The following FNDC3A variants were observed in gnomAD, a reference collection of about 807,000 sequenced individuals.
The protein encoded by FNDC3A is fibronectin type-III domain-containing protein 3A.
In FNDC3A, 32 loss-of-function variants were observed where a neutral mutation model predicts 148.9. That is an observed-to-expected ratio of 0.21 (90% CI 0.16 to 0.29). FNDC3A has a LOEUF of 0.29. FNDC3A is among the 10% of genes least tolerant of loss of function. The pLI, the probability that FNDC3A is intolerant of heterozygous loss-of-function variation, is 1.00. For synonymous variants in FNDC3A, 472 were observed against 473.6 expected (o/e 1.00, Z 0.04); for missense variants, 1,191 against 1,452.8 (o/e 0.82, Z 2.93).
At chr13:48,976,535 C>G (rs1253099778) in intron 1 of FNDC3A, 1 of 152,518 alleles carries the variant, frequency 6.6e-6, no homozygotes, top group Non-Finnish European at 1.5e-5. Context: ...GCCCTTCTCT[C>G]TGTCCCCCGC....
chr13:49,004,123 A>G (rs1952177241), intron 1 of FNDC3A, among the ~76,000 whole-genome samples: 1 of 152,104 alleles, frequency 6.6e-6, no homozygotes, highest in Non-Finnish European at 1.5e-5. Flanking sequence ...AAAATTAAAA[A>G]TAAGTGTATA....
At chr13:49,093,791 ATACTC>A (rs1879343545) in intron 3 of FNDC3A, among the ~76,000 whole-genome samples, 1 of 152,176 alleles carries the variant, frequency 6.6e-6, no homozygotes, top group African/African-American at 2.4e-5. Context: ...ATTATACCAA[ATACTC>A]TACTCATAAA....
intron 2 of FNDC3A, among the ~76,000 whole-genome samples, chr13:49,066,980 G>A (rs529569302): frequency 1.3e-5 from 2 of 152,028 alleles, no homozygotes; most frequent in African/African-American, 2.4e-5. Context: ...TAATTACCTC[G>A]GAGAAGACTT....
intron 1 of FNDC3A, among the ~76,000 whole-genome samples, chr13:48,990,395 A>G (rs1403892641): frequency 6.6e-6 from 1 of 151,956 alleles, no homozygotes; most frequent in Non-Finnish European, 1.5e-5. Flanking sequence ...GGGCAAATAT[A>G]TAGGATTTAA....
At chr13:49,024,585 CAGTA>C (rs1317526962) in intron 2 of FNDC3A, among the ~76,000 whole-genome samples, 21 of 152,004 alleles carry the variant, frequency 1.4e-4, no homozygotes, top group African/African-American at 3.6e-4. Context: ...ATACGTAAAT[CAGTA>C]AGTGTGATAC....
chr13:49,083,365 C>G (rs1392067475), intron 3 of FNDC3A, among the ~76,000 whole-genome samples: 2 of 152,168 alleles, frequency 1.3e-5, no homozygotes, highest in Non-Finnish European at 2.9e-5. Context: ...TTTAGCGGAA[C>G]TAGAACTAAA....
At chr13:49,162,435 C>T (rs901345897) in intron 8 of FNDC3A, among the ~76,000 whole-genome samples, 2 of 152,132 alleles carry the variant, frequency 1.3e-5, no homozygotes, top group Admixed American at 6.5e-5. Context: ...ACGTAGTTCT[C>T]GTGCCATGGT....
chr13:49,140,069 G>T (rs1483445149), intron 7 of FNDC3A, among the ~76,000 whole-genome samples: 8 of 152,152 alleles, frequency 5.3e-5, no homozygotes. Context: ...AGGTGCAGTG[G>T]CTCACACTTT....
At chr13:49,082,019 T>G (rs527606312) in intron 3 of FNDC3A, among the ~76,000 whole-genome samples, 205 of 151,886 alleles carry the variant, frequency 1.3e-3, no homozygotes, top group African/African-American at 4.8e-3. Context: ...AATGTTTAAG[T>G]GTCAGAAAGT....
chr13:49,112,891 G>A (rs1166660911), intron 3 of FNDC3A, among the ~76,000 whole-genome samples: 1 of 152,142 alleles, frequency 6.6e-6, no homozygotes, highest in Non-Finnish European at 1.5e-5. Flanking sequence ...GTATTTGGTG[G>A]TGGTCTTGTT....
At chr13:49,077,533 G>A (rs992367844) in intron 3 of FNDC3A, among the ~76,000 whole-genome samples, 3 of 152,190 alleles carry the variant, frequency 2.0e-5, no homozygotes, top group South Asian at 4.1e-4. Context: ...CTTTTAGCCT[G>A]ACATTTAAAC....
At chr13:49,190,059 TG>T (rs1230057900) in intron 17 of FNDC3A, among the ~76,000 whole-genome samples, 1 of 152,080 alleles carries the variant, frequency 6.6e-6, no homozygotes, top group Non-Finnish European at 1.5e-5. Flanking sequence ...GCTACTTTTT[TG>T]TATTTTTAGT....
intron 2 of FNDC3A, among the ~76,000 whole-genome samples, chr13:49,057,392 G>A (rs1437777797): frequency 2.6e-5 from 4 of 152,032 alleles, no homozygotes; most frequent in Admixed American, 6.5e-5. Context: ...ATTTCTTAAC[G>A]GGTTTTGAAA....
At chr13:49,111,002 A>G (rs1880531610) in intron 3 of FNDC3A, among the ~76,000 whole-genome samples, 5 of 152,202 alleles carry the variant, frequency 3.3e-5, no homozygotes, top group Admixed American at 3.3e-4. Flanking sequence ...GGGGTAAATC[A>G]TGCTCAAATC....
At position 49,136,476 on chromosome 13, in the gene FNDC3A, C is replaced by T. The variant is rs377320424; in HGVS notation, c.635C>T (p.Pro212Leu). 6 of 1,613,980 alleles carry T rather than the reference C, an allele frequency of 3.7e-6. No individual in the cohort carries two copies. The highest frequency in any genetic ancestry group is 3.3e-5 in the South Asian group (3 of 91,088). The stretch of plus-strand genomic sequence containing the variant: ...CCACCATCATCACCCCAGAAATGCC[C>T]TTCTCCCATTAATGAACATAATGGA... ...SSPPSSPQKC[P>L]SPINEHNGLI... The change falls in exon 6 of 26, where the codon CCT becomes CTT. Residue 212 changes from proline to leucine, a missense_variant. By Grantham distance (98) the Pro-to-Leu change is moderately conservative. This residue lies in a region of FNDC3A where 426 missense variants were observed against 473.2 expected (regional missense o/e 0.90). Coordinates refer to ENST00000492622, the MANE Select transcript of FNDC3A (RefSeq NM_001079673.2).
chr13:49,144,532 A>G (rs911282081), intron 7 of FNDC3A, among the ~76,000 whole-genome samples: 21 of 152,224 alleles, frequency 1.4e-4, no homozygotes, highest in Non-Finnish European at 2.9e-4. Flanking sequence ...TTAAACATAT[A>G]TAATTTTAAA....
chr13:49,021,180 C>A (rs1034726224), intron 2 of FNDC3A, among the ~76,000 whole-genome samples: 17 of 152,284 alleles, frequency 1.1e-4, no homozygotes, highest in Non-Finnish European at 2.1e-4. Context: ...TAATACTACA[C>A]CTTAACTTGA....
intron 7 of FNDC3A, among the ~76,000 whole-genome samples, chr13:49,140,179 A>G (rs747099979): frequency 6.6e-6 from 1 of 152,126 alleles, no homozygotes; most frequent in Admixed American, 6.5e-5. Flanking sequence ...CAAAAAACAA[A>G]TACAGATACT....
intron 4 of FNDC3A, among the ~76,000 whole-genome samples, chr13:49,129,300 T>C (rs1049178703): frequency 1.3e-5 from 2 of 152,160 alleles, no homozygotes; most frequent in African/African-American, 4.8e-5. Flanking sequence ...TGAAAACAGG[T>C]TTTTTATTAT....
Sources: gnomAD v4.1 joint callset for allele counts (sites outside exome capture counted in the v4.1 genomes callset) on GRCh38, gnomAD v4.1.1 for gene constraint, gnomAD v4.1.1 regional missense constraint, MANE v1.5 for transcripts, NCBI Gene and HGNC (gene_info 2026-07-23, HGNC 2026-07-21) for gene names.